The following NELL1 variants were observed in gnomAD, a reference collection of about 807,000 sequenced individuals.
NELL1 encodes the protein neural EGFL like 1.
A neutral mutation model predicts 107.4 loss-of-function variants in NELL1; 76 were observed. The observed-to-expected ratio is 0.71, with a 90% confidence interval of 0.59 to 0.86. The LOEUF (loss-of-function observed/expected upper bound fraction) is 0.86, where lower values mean the gene tolerates loss of function less well. Among genes scored for constraint, NELL1 ranks in the 40% least tolerant of loss-of-function variants. NELL1 has a pLI of 0.00. For missense variants in NELL1, 1,024 were observed against 1,005.5 expected (o/e 1.02, Z -0.25); for synonymous variants, 353 against 341.2 (o/e 1.03, Z -0.38).
At chr11:20,860,857 C>T (rs1168063905) in intron 4 of NELL1, among the ~76,000 whole-genome samples, 1 of 152,186 alleles carries the variant, frequency 6.6e-6, no homozygotes, top group African/African-American at 2.4e-5. Context: ...AGAGTACAAA[C>T]ATAAACTGAT....
At chr11:21,051,029 C>T (rs1212322448) in intron 12 of NELL1, among the ~76,000 whole-genome samples, 5 of 152,196 alleles carry the variant, frequency 3.3e-5, no homozygotes, top group South Asian at 2.1e-4. Context: ...GCTCGAAACC[C>T]GGTGGTTGTC....
chr11:20,787,618 T>C (rs1856994166), intron 3 of NELL1, among the ~76,000 whole-genome samples: 1 of 152,052 alleles, frequency 6.6e-6, no homozygotes, highest in Non-Finnish European at 1.5e-5. Flanking sequence ...GACACCCAGG[T>C]TCTTTTTGTG....
chr11:21,287,669 A>G (rs1849154670), intron 14 of NELL1, among the ~76,000 whole-genome samples: 1 of 152,140 alleles, frequency 6.6e-6, no homozygotes, highest in South Asian at 2.1e-4. Context: ...TCTTCATTAG[A>G]TGAATTTCTC....
intron 5 of NELL1, among the ~76,000 whole-genome samples, chr11:20,914,294 A>G (rs1850197628): frequency 6.6e-6 from 1 of 152,062 alleles, no homozygotes; most frequent in African/African-American, 2.4e-5. Context: ...TCTTAGGGAG[A>G]CATAATACCT....
chr11:20,894,200 T>C (rs1172992421), intron 5 of NELL1, among the ~76,000 whole-genome samples: 2 of 152,230 alleles, frequency 1.3e-5, no homozygotes. Flanking sequence ...AGGAGAATAC[T>C]TTATGACCTC....
intron 3 of NELL1, among the ~76,000 whole-genome samples, chr11:20,802,465 TG>T (rs1330146108): frequency 6.6e-6 from 1 of 152,138 alleles, no homozygotes; most frequent in Non-Finnish European, 1.5e-5. Context: ...CTAATCTTTT[TG>T]TGGATCCTTT....
intron 2 of NELL1, among the ~76,000 whole-genome samples, chr11:20,682,882 G>T (rs568835524): frequency 6.6e-6 from 1 of 152,022 alleles, no homozygotes; most frequent in Admixed American, 6.6e-5. Context: ...CTCATTATGG[G>T]TATTTTGAGA....
intron 13 of NELL1, among the ~76,000 whole-genome samples, chr11:21,212,175 T>A (rs1857511679): frequency 1.3e-5 from 2 of 152,160 alleles, no homozygotes; most frequent in African/African-American, 4.8e-5. Flanking sequence ...TACCATCATA[T>A]TAATATAATA....
At chr11:21,522,462 T>A (rs1855750945) in intron 15 of NELL1, among the ~76,000 whole-genome samples, 1 of 152,080 alleles carries the variant, frequency 6.6e-6, no homozygotes, top group Admixed American at 6.5e-5. Context: ...AAGTCAGACA[T>A]AGAAAGACAA....
At chr11:21,346,431 A>G (rs188015738) in intron 14 of NELL1, among the ~76,000 whole-genome samples, 58 of 151,834 alleles carry the variant, frequency 3.8e-4, no homozygotes, top group African/African-American at 1.4e-3. Context: ...CCCAAGCCAT[A>G]TAAATGGAGA....
At chr11:21,216,373 C>T (rs933432838) in intron 13 of NELL1, among the ~76,000 whole-genome samples, 1 of 152,210 alleles carries the variant, frequency 6.6e-6, no homozygotes, top group South Asian at 2.1e-4. Flanking sequence ...TGGGGTACTG[C>T]TTAGTGGAGC....
chr11:20,735,611 G>T (rs865839947), intron 2 of NELL1, among the ~76,000 whole-genome samples: 3 of 152,176 alleles, frequency 2.0e-5, no homozygotes, highest in Admixed American at 6.5e-5. Flanking sequence ...GGTGGGGACA[G>T]AGCCAAACCA....
chr11:21,374,877 CTGTGTGTGTCTGTGTG>C (rs1361655982), intron 15 of NELL1, among the ~76,000 whole-genome samples: 5 of 89,894 alleles, frequency 5.6e-5, no homozygotes, highest in South Asian at 5.3e-4. Context: ...GTGGAACTGA[CTGTGTGTGTCTGTGTG>C]TGTGTGTGTG....
intron 15 of NELL1, among the ~76,000 whole-genome samples, chr11:21,391,075 T>C (rs1590893102): frequency 6.6e-6 from 1 of 151,888 alleles, no homozygotes; most frequent in East Asian, 2.0e-4. Flanking sequence ...TGTTCAAATG[T>C]TGCACATCTG....
At chr11:20,845,737 G>A (rs918804849) in intron 3 of NELL1, among the ~76,000 whole-genome samples, 1 of 152,142 alleles carries the variant, frequency 6.6e-6, no homozygotes, top group African/African-American at 2.4e-5. Context: ...TTCATTAAAT[G>A]ACTTTTCTTG....
Position 21,401,747 on chromosome 11 carries a change from A to G in NELL1, c.1645+30799A>G, listed in dbSNP as rs549267935. On this transcript the variant is annotated intron_variant, in intron 15 of 19. Coordinates refer to ENST00000357134, the MANE Select transcript of NELL1 (RefSeq NM_006157.5). ...GACCTTGCAGTAGGTAACATGAGGAAGCACCAGGAATATGAGTTTCAAGCC... is the reference window on the plus strand; with the variant it reads ...GACCTTGCAGTAGGTAACATGAGGAGGCACCAGGAATATGAGTTTCAAGCC... 9.9e-5 allele frequency among the ~76,000 whole-genome samples: 15 copies of G among 151,874 alleles called. No individual in the cohort carries two copies. In the East Asian group the frequency reaches 2.5e-3, roughly 26 times the overall value.
At chr11:21,514,251 A>G (rs1489932877) in intron 15 of NELL1, among the ~76,000 whole-genome samples, 2 of 152,248 alleles carry the variant, frequency 1.3e-5, no homozygotes, top group East Asian at 3.9e-4. Context: ...ATTTAAATTG[A>G]TTTAAAATAT....
chr11:21,116,805 C>A (rs1855246765), intron 13 of NELL1, among the ~76,000 whole-genome samples: 2 of 151,974 alleles, frequency 1.3e-5, no homozygotes, highest in African/African-American at 4.8e-5. Context: ...ATGGCCATCA[C>A]ATTGGACTTT....
chr11:21,332,937 G>C (rs1850304783), intron 14 of NELL1, among the ~76,000 whole-genome samples: 2 of 151,960 alleles, frequency 1.3e-5, no homozygotes, highest in South Asian at 2.1e-4. Flanking sequence ...ATGGTTTTGT[G>C]TGTCTTTTAT....
Sources: allele counts gnomAD v4.1 joint callset (sites outside exome capture counted in the v4.1 genomes callset), GRCh38; gene constraint gnomAD v4.1.1; transcripts MANE v1.5; gene names NCBI Gene and HGNC (gene_info 2026-07-23, HGNC 2026-07-21).